IPO5: variants seen among roughly 807,000 people sequenced by gnomAD.
IPO5 encodes importin-5.
Under a neutral mutation model 143.3 loss-of-function variants are expected in IPO5, and 18 were observed. The ratio of observed to expected loss-of-function variants is 0.13; its 90% CI spans 0.09 to 0.19. The LOEUF is 0.19. IPO5 is among the 10% of genes least tolerant of loss of function. The pLI is 1.00. For missense variants in IPO5, 1,013 were observed against 1,336.9 expected, an observed-to-expected ratio of 0.76 and a Z score of 3.78; for synonymous variants, 477 against 465.7, an observed-to-expected ratio of 1.02 and a Z score of -0.31.
At chr13:97,977,622 C>A (rs1408884142) in intron 4 of IPO5, among the ~76,000 whole-genome samples, 3 of 152,164 alleles carry the variant, frequency 2.0e-5, no homozygotes, top group Admixed American at 6.5e-5. Flanking sequence ...CCTCTTGTTC[C>A]TGGCCTCCAA....
At chr13:97,975,712 C>T (rs972968268) in intron 3 of IPO5, 4 of 153,020 alleles carry the variant, frequency 2.6e-5, no homozygotes, top group Admixed American at 2.0e-4. Flanking sequence ...AAAGGTGTCT[C>T]TCTTGACGTT....
intron 3 of IPO5, among the ~76,000 whole-genome samples, chr13:97,972,703 T>G (rs970214608): frequency 6.6e-6 from 1 of 152,202 alleles, no homozygotes. Flanking sequence ...TTTTTTTATT[T>G]TAATGCGGCC....
At chr13:97,969,424 C>T (rs893104422) in intron 2 of IPO5, among the ~76,000 whole-genome samples, 6 of 151,756 alleles carry the variant, frequency 4.0e-5, no homozygotes, top group African/African-American at 7.3e-5. Context: ...CCTCGTGATC[C>T]GCCTGCCTTG....
chr13:97,988,925 G>T, intron 6 of IPO5, 137 bp from the exon 7 acceptor site: 3 of 481,950 alleles, frequency 6.2e-6, no homozygotes, highest in Non-Finnish European at 7.5e-6. Flanking sequence ...AGAATTTTGT[G>T]GAGTTTTTAA....
chr13:97,954,439 T>C (rs1566426107), intron 2 of IPO5, among the ~76,000 whole-genome samples: 1 of 152,186 alleles, frequency 6.6e-6, no homozygotes. Context: ...GCCTTTAATT[T>C]CTCAAATCCC....
At chr13:97,957,674 T>C (rs1199023613) in intron 2 of IPO5, among the ~76,000 whole-genome samples, 3 of 152,100 alleles carry the variant, frequency 2.0e-5, no homozygotes, top group Admixed American at 1.3e-4. Context: ...AAAATAAAAA[T>C]AAAAACAATA....
At chr13:98,001,575 T>A (rs1888780340) in intron 13 of IPO5, 1 of 152,272 alleles carries the variant, frequency 6.6e-6, no homozygotes, top group African/African-American at 2.4e-5. Flanking sequence ...CCTCCCAGTT[T>A]CAAGCAATTC....
intron 25 of IPO5, among the ~76,000 whole-genome samples, chr13:98,017,612 T>C (rs2139865943): frequency 6.6e-6 from 1 of 152,014 alleles, no homozygotes; most frequent in East Asian, 1.9e-4. Flanking sequence ...GCTTCCTATT[T>C]TAAAGCAGTT....
chr13:97,968,572 A>C (rs956037915), intron 2 of IPO5, among the ~76,000 whole-genome samples: 4 of 152,132 alleles, frequency 2.6e-5, no homozygotes, highest in Admixed American at 6.5e-5. Flanking sequence ...CATGTGTTTA[A>C]AACTGTTCTA....
intron 11 of IPO5, among the ~76,000 whole-genome samples, chr13:97,996,801 C>T (rs484769): frequency 1.3e-5 from 2 of 151,972 alleles, no homozygotes; most frequent in African/African-American, 4.8e-5. Flanking sequence ...ACCATGTTAG[C>T]CAGGATGGTC....
At chr13:98,012,153 A>G (rs1174107827) in intron 20 of IPO5, 93 bp from the exon 21 acceptor site, 8 of 749,186 alleles carry the variant, frequency 1.1e-5, no homozygotes, top group Admixed American at 6.0e-5. Context: ...TCAAAATACA[A>G]CCTCCTGTGG....
chr13:97,956,499 C>G (rs983523745), intron 2 of IPO5, among the ~76,000 whole-genome samples: 1 of 152,234 alleles, frequency 6.6e-6, no homozygotes, highest in Admixed American at 6.5e-5. Flanking sequence ...TGGATCTCAC[C>G]CTTAGGAAGG....
At chr13:97,978,520 GAAGTGATATGCATGT>G (rs1886578211) in intron 4 of IPO5, among the ~76,000 whole-genome samples, 1 of 151,998 alleles carries the variant, frequency 6.6e-6, no homozygotes, top group Admixed American at 6.6e-5. Context: ...TTTGTTCCTA[GAAGTGATATGCATGT>G]ATTGCACCAG....
intron 4 of IPO5, among the ~76,000 whole-genome samples, chr13:97,977,512 A>G (rs540147007): frequency 2.0e-5 from 3 of 152,318 alleles, no homozygotes; most frequent in Non-Finnish European, 2.9e-5. Context: ...CGTGGGATAA[A>G]TGGGATGTAG....
chr13:97,979,516 G>T (rs992194264), intron 4 of IPO5, among the ~76,000 whole-genome samples: 1 of 152,130 alleles, frequency 6.6e-6, no homozygotes, highest in Non-Finnish European at 1.5e-5. Flanking sequence ...ATACAATAAC[G>T]TGAATAAACC....
At chr13:98,019,347 G>A (rs1355681313) in intron 26 of IPO5, among the ~76,000 whole-genome samples, 1 of 152,122 alleles carries the variant, frequency 6.6e-6, no homozygotes, top group Non-Finnish European at 1.5e-5. Flanking sequence ...AAATCTGGAG[G>A]CCACTAATCT....
intron 17 of IPO5, 111 bp downstream of exon 17, chr13:98,006,459 C>G (rs1889261074): frequency 1.6e-6 from 1 of 643,476 alleles, no homozygotes; most frequent in African/African-American, 2.1e-5. Context: ...ACTGCAAACT[C>G]TGCCTCCCAG....
chr13:97,988,942 C>A, intron 6 of IPO5, 120 bp from the exon 7 acceptor site: 4 of 515,622 alleles, frequency 7.8e-6, no homozygotes, highest in South Asian at 5.9e-5. Flanking sequence ...TTAAAAATAG[C>A]AAAAGTGACA....
chr13:97,972,681 G>A (rs1370568097), intron 3 of IPO5, among the ~76,000 whole-genome samples: 3 of 152,194 alleles, frequency 2.0e-5, no homozygotes, highest in Non-Finnish European at 4.4e-5. Context: ...CTTCGGGGCA[G>A]TTTTGTTTTT....
Sources: allele counts gnomAD v4.1 joint callset (sites outside exome capture counted in the v4.1 genomes callset), GRCh38; gene constraint gnomAD v4.1.1; transcripts MANE v1.5; gene names NCBI Gene and HGNC (gene_info 2026-07-23, HGNC 2026-07-21).